CNTN4: variants seen among roughly 807,000 people sequenced by gnomAD.
CNTN4 encodes the protein contactin 4, also known as contactin-4.
In CNTN4, 77 loss-of-function variants were observed where a neutral mutation model predicts 122.5. The ratio of observed to expected loss-of-function variants is 0.63; its 90% CI spans 0.52 to 0.76. The LOEUF (loss-of-function observed/expected upper bound fraction) is 0.76. CNTN4 is among the 30% of genes least tolerant of loss of function. CNTN4 has a pLI of 0.00. For missense variants in CNTN4, 1,256 were observed against 1,259.1 expected, an observed-to-expected ratio of 1.00 and a Z score of 0.04; for synonymous variants, 512 against 447.0, an observed-to-expected ratio of 1.15 and a Z score of -1.83.
intron 4 of CNTN4, among the ~76,000 whole-genome samples, chr3:2,687,051 T>C (rs1668765455): frequency 6.6e-6 from 1 of 152,186 alleles, no homozygotes; most frequent in African/African-American, 2.4e-5. Flanking sequence ...CATGACTTGG[T>C]CTGTGAAAAG....
rs372880788 is a variant in CNTN4, at chr3:2,346,642, A to C, written c.-89+7409A>C. Among the ~76,000 whole-genome samples the C allele has an allele frequency of 1.7e-3, 264 of 152,298 alleles. 1 individual carries two copies. The highest frequency in any genetic ancestry group is 3.2e-3 in the Non-Finnish European group (219 of 67,998). On this transcript the variant is annotated intron_variant, in intron 3 of 24. Transcript: ENST00000418658. ...ATGGTATTTTCCCCTCAATACCATG[A>C]AGATATTGTTGTATTGTTTTCTATC...
At position 2,222,480 on chromosome 3, in the gene CNTN4, G is replaced by A. The variant is rs555278274; in HGVS notation, c.-144-116698G>A. 4.6e-5 allele frequency among the ~76,000 whole-genome samples: 7 copies of A among 152,080 alleles called. No individual in the cohort carries two copies. In the South Asian group the frequency reaches 1.5e-3, roughly 32 times the overall value. The stretch of plus-strand genomic sequence containing the variant: ...TGAAGATGAAAATGTTCTGAAATTG[G>A]GTGGAAACTCTTGGAAAGTACTAAA... On this transcript the variant is annotated intron_variant, in intron 2 of 24. Coordinates refer to ENST00000418658, the MANE Select transcript of CNTN4 (RefSeq NM_175607.3).
intron 3 of CNTN4, among the ~76,000 whole-genome samples, chr3:2,471,483 T>C (rs529131587): frequency 2.0e-5 from 3 of 152,370 alleles, no homozygotes; most frequent in Non-Finnish European, 4.4e-5. Context: ...TAATTTTTTT[T>C]CCTTAGAAGT....
chr3:2,704,144 A>G (rs1009999600), intron 4 of CNTN4, among the ~76,000 whole-genome samples: 3 of 151,722 alleles, frequency 2.0e-5, no homozygotes, highest in Non-Finnish European at 2.9e-5. Context: ...TAAAAATACA[A>G]AAATTAGCCA....
At chr3:2,908,886 C>T (rs559628727) in intron 12 of CNTN4, among the ~76,000 whole-genome samples, 15 of 152,124 alleles carry the variant, frequency 9.9e-5, no homozygotes, top group Admixed American at 2.0e-4. Flanking sequence ...TTCAGTATCC[C>T]GGGGGTTCTC....
intron 2 of CNTN4, among the ~76,000 whole-genome samples, chr3:2,280,870 A>G (rs1262762109): frequency 6.6e-6 from 1 of 152,160 alleles, no homozygotes; most frequent in Admixed American, 6.5e-5. Flanking sequence ...TTTTGTTCAG[A>G]TCATCTGGGG....
intron 13 of CNTN4, among the ~76,000 whole-genome samples, chr3:2,933,802 A>T (rs2094545582): frequency 6.6e-6 from 1 of 152,240 alleles, no homozygotes; most frequent in Non-Finnish European, 1.5e-5. Context: ...GAATAGAGAC[A>T]GAGATACAGA....
chr3:2,125,330 C>CTCTGTGTG (rs138301374), intron 2 of CNTN4, among the ~76,000 whole-genome samples: 20 of 143,472 alleles, frequency 1.4e-4, no homozygotes, highest in African/African-American at 4.4e-4. Context: ...ATTCTATTCT[C>CTCTGTGTG]TGTGTGTGTG....
chr3:2,577,175 A>C (rs1175319763), intron 4 of CNTN4, among the ~76,000 whole-genome samples: 1 of 152,172 alleles, frequency 6.6e-6, no homozygotes, highest in Non-Finnish European at 1.5e-5. Context: ...TAAATAAACT[A>C]AACTGCTTGG....
chr3:2,817,217 C>T (rs2092756900), intron 6 of CNTN4, among the ~76,000 whole-genome samples: 1 of 152,158 alleles, frequency 6.6e-6, no homozygotes, highest in Admixed American at 6.5e-5. Flanking sequence ...ACAGCATTCG[C>T]AATGGACAGA....
chr3:3,034,657 G>A lies in CNTN4; in HGVS notation c.1809G>A (p.Val603=). The A allele has an allele frequency of 6.2e-7, 1 of 1,614,144 alleles. No homozygotes were observed. Among genetic ancestry groups the A allele is most frequent in the Non-Finnish European group, 8.5e-7 (1 of 1,180,024 alleles). Residue 603 remains valine (V), a synonymous_variant, in exon 17 of 25, where the codon GTG becomes GTA. Transcript: ENST00000418658. ...VRGPPGPPEA[V]TIDEITDTTA... ...GTCCTCCAGGTCCCCCAGAGGCTGT[G>A]ACAATAGACGAAATCACAGATACCA...
chr3:2,506,187 A>C (rs2076726575), intron 3 of CNTN4, among the ~76,000 whole-genome samples: 1 of 152,054 alleles, frequency 6.6e-6, no homozygotes, highest in Admixed American at 6.6e-5. Flanking sequence ...GTTAGCTGTG[A>C]CTCCTGTCAT....
intron 2 of CNTN4, among the ~76,000 whole-genome samples, chr3:2,310,099 T>A (rs896275918): frequency 1.3e-5 from 2 of 150,676 alleles, no homozygotes; most frequent in Non-Finnish European, 2.9e-5. Flanking sequence ...AGTTTCTAAG[T>A]CTTAGAGCTG....
Position 2,766,705 on chromosome 3 carries a change from C to G in CNTN4, c.358+21008C>G, listed in dbSNP as rs564647114. Among the ~76,000 whole-genome samples, 6 of 152,210 alleles carry G rather than the reference C, an allele frequency of 3.9e-5. No individual in the cohort carries two copies. In the South Asian group the frequency reaches 1.0e-3, roughly 26 times the overall value. On this transcript the variant is annotated intron_variant, in intron 6 of 24. Coordinates refer to ENST00000418658, the MANE Select transcript of CNTN4 (RefSeq NM_175607.3). ...ACAGATCACCAGTAAAGAACTTACTCATGTAACCAAATACCCCCTGTTCCC... is the reference window on the plus strand; with the variant it reads ...ACAGATCACCAGTAAAGAACTTACTGATGTAACCAAATACCCCCTGTTCCC...
At chr3:2,328,912 G>A (rs1319340135) in intron 2 of CNTN4, among the ~76,000 whole-genome samples, 1 of 151,862 alleles carries the variant, frequency 6.6e-6, no homozygotes, top group Non-Finnish European at 1.5e-5. Context: ...CCTGGGCATG[G>A]GCATACCATA....
At chr3:2,308,105 T>C (rs2042785557) in intron 2 of CNTN4, among the ~76,000 whole-genome samples, 1 of 152,130 alleles carries the variant, frequency 6.6e-6, no homozygotes, top group African/African-American at 2.4e-5. Flanking sequence ...AGATTTTCTG[T>C]TTCTTCTTGA....
intron 2 of CNTN4, among the ~76,000 whole-genome samples, chr3:2,215,883 CAA>C (rs869205172): frequency 2.7e-4 from 16 of 60,244 alleles, no homozygotes; most frequent in South Asian, 1.8e-3. Flanking sequence ...GCCTCTGTCT[CAA>C]AAAAAAAAAA....
rs542441641 is a variant in CNTN4, at chr3:2,787,249, G to A, written c.359-32237G>A. 4.6e-5 allele frequency among the ~76,000 whole-genome samples: 7 copies of A among 152,150 alleles called. 1 individual carries two copies. The highest frequency in any genetic ancestry group is 4.2e-4 in the South Asian group (2 of 4,814). ...AAAACAGCCAGTCGTGGTGGCGGGC[G>A]CCTGTAGTCCCAGCTACTTGGGAGG... On this transcript the variant is annotated intron_variant, in intron 6 of 24. Transcript: ENST00000418658.
intron 2 of CNTN4, among the ~76,000 whole-genome samples, chr3:2,314,054 A>C (rs1293066922): frequency 6.6e-6 from 1 of 152,014 alleles, no homozygotes; most frequent in Non-Finnish European, 1.5e-5. Flanking sequence ...TTTTTATTTA[A>C]TTTCAGTTTT....
Sources: gnomAD v4.1 joint callset for allele counts (sites outside exome capture counted in the v4.1 genomes callset) on GRCh38, gnomAD v4.1.1 for gene constraint, MANE v1.5 for transcripts, NCBI Gene and HGNC (gene_info 2026-07-23, HGNC 2026-07-21) for gene names.